Variants in ADAMTS17 observed in about 807,000 individuals in gnomAD.
ADAMTS17 encodes the protein ADAM metallopeptidase with thrombospondin type 1 motif 17.
Under a neutral mutation model 141.5 loss-of-function variants are expected in ADAMTS17, and 113 were observed. The ratio of observed to expected loss-of-function variants is 0.80; its 90% CI spans 0.69 to 0.93. The LOEUF (loss-of-function observed/expected upper bound fraction) is 0.93, where lower values mean the gene tolerates loss of function less well. Ranked by LOEUF, ADAMTS17 falls within the 40% of genes least tolerant of loss-of-function variation. ADAMTS17 has a pLI of 0.00. For synonymous variants in ADAMTS17, 768 were observed against 630.6 expected (o/e 1.22, Z -3.27); for missense variants, 1,659 against 1,517.9 (o/e 1.09, Z -1.54).
chr15:100,133,505 A>C (rs911575760), intron 10 of ADAMTS17, among the ~76,000 whole-genome samples, 190 bp from the exon 11 acceptor site: 1 of 152,172 alleles, frequency 6.6e-6, no homozygotes, highest in African/African-American at 2.4e-5. Flanking sequence ...TAGCTCAACA[A>C]AATTCTGTGC....
At chr15:99,976,964 C>A (rs927233732) in intron 20 of ADAMTS17, among the ~76,000 whole-genome samples, 1 of 152,194 alleles carries the variant, frequency 6.6e-6, no homozygotes, top group East Asian at 1.9e-4. Context: ...GGCTTGGTGG[C>A]CCCCAGGAAG....
chr15:100,085,610 A>T (rs567134514), intron 15 of ADAMTS17, among the ~76,000 whole-genome samples: 158 of 152,216 alleles, frequency 1.0e-3, no homozygotes, highest in Admixed American at 2.7e-3. Context: ...CGGGTTACCC[A>T]CAAAGGCAAG....
intron 7 of ADAMTS17, among the ~76,000 whole-genome samples, chr15:100,230,027 G>A (rs2141841207): frequency 6.6e-6 from 1 of 152,298 alleles, no homozygotes; most frequent in South Asian, 2.1e-4. Context: ...TGCCCCCACT[G>A]CCAACCACCC....
chr15:100,295,789 C>T (rs1407696614), intron 3 of ADAMTS17, among the ~76,000 whole-genome samples: 1 of 152,206 alleles, frequency 6.6e-6, no homozygotes, highest in Admixed American at 6.5e-5. Context: ...CCTGGCTAGA[C>T]ACAAGCTGAC....
intron 8 of ADAMTS17, among the ~76,000 whole-genome samples, chr15:100,166,570 C>T (rs2039960576): frequency 6.6e-6 from 1 of 152,182 alleles, no homozygotes; most frequent in Non-Finnish European, 1.5e-5. Context: ...TGTAAATAAT[C>T]ATTTGTAAAG....
intron 8 of ADAMTS17, among the ~76,000 whole-genome samples, chr15:100,174,757 C>G (rs903808029): frequency 2.6e-5 from 4 of 152,118 alleles, no homozygotes; most frequent in African/African-American, 9.7e-5. Context: ...AAGCAACGTT[C>G]ATGTTAGGAG....
At chr15:100,298,261 A>C (rs943788231) in intron 3 of ADAMTS17, among the ~76,000 whole-genome samples, 4 of 152,180 alleles carry the variant, frequency 2.6e-5, no homozygotes, top group African/African-American at 4.8e-5. Context: ...GGCCCACTGA[A>C]GACTGCCTCC....
At chr15:100,301,877 T>TAC (rs1434328577) in intron 3 of ADAMTS17, among the ~76,000 whole-genome samples, 1 of 152,238 alleles carries the variant, frequency 6.6e-6, no homozygotes, top group Non-Finnish European at 1.5e-5. Flanking sequence ...TAAAGCATCC[T>TAC]AATTTATGTT....
intron 12 of ADAMTS17, chr15:100,126,124 A>T (rs1335383755): frequency 6.6e-6 from 1 of 152,194 alleles, no homozygotes; most frequent in Non-Finnish European, 1.5e-5. Flanking sequence ...CACTACCATC[A>T]GGGCATCCTG....
intron 15 of ADAMTS17, among the ~76,000 whole-genome samples, chr15:100,067,946 G>A (rs1358405019): frequency 1.3e-5 from 2 of 152,200 alleles, no homozygotes. Context: ...AGCTGAAGCA[G>A]GGCGAGGCAT....
chr15:100,007,614 G>C (rs754361228), intron 18 of ADAMTS17, among the ~76,000 whole-genome samples: 10 of 152,226 alleles, frequency 6.6e-5, no homozygotes, highest in Non-Finnish European at 1.2e-4. Context: ...AGAGAAAGAA[G>C]GCAAGAAATG....
chr15:99,989,858 A>C (rs1596167700), intron 20 of ADAMTS17, among the ~76,000 whole-genome samples: 1 of 152,356 alleles, frequency 6.6e-6, no homozygotes, highest in South Asian at 2.1e-4. Flanking sequence ...AAATGGGTTT[A>C]GTTGTCCAAG....
At position 100,109,088 on chromosome 15, in the gene ADAMTS17, G is replaced by T; in HGVS notation, c.1917C>A (p.Pro639=). 1 of 1,613,610 alleles carries T rather than the reference G, an allele frequency of 6.2e-7. No individual in the cohort carries two copies. Among genetic ancestry groups the T allele is most frequent in the East Asian group, 2.2e-5 (1 of 44,858 alleles). Residue 639 remains proline (P), a synonymous_variant, in exon 14 of 22, where the codon CCC becomes CCA. Coordinates refer to ENST00000268070, the MANE Select transcript of ADAMTS17 (RefSeq NM_139057.4). ...DDKPCELYCS[P]LGKESPLLVA... is the part of the protein sequence containing the mutation. Reference sequence around the variant, plus strand: ...CCAGCAGTGGGGACTCCTTCCCGAGGGGCGAGCAGTAGAGTTCACATGGCT... The same window carrying T: ...CCAGCAGTGGGGACTCCTTCCCGAGTGGCGAGCAGTAGAGTTCACATGGCT...
chr15:100,285,611 C>T (rs1317818360), intron 3 of ADAMTS17, among the ~76,000 whole-genome samples: 1 of 152,184 alleles, frequency 6.6e-6, no homozygotes, highest in African/African-American at 2.4e-5. Context: ...CAAGGAAGAC[C>T]TGGGGAAGAG....
At chr15:100,159,536 C>T (rs1653511344) in intron 8 of ADAMTS17, among the ~76,000 whole-genome samples, 1 of 152,152 alleles carries the variant, frequency 6.6e-6, no homozygotes, top group South Asian at 2.1e-4. Flanking sequence ...TTTAAATGAG[C>T]AGGTCTTCTG....
intron 3 of ADAMTS17, among the ~76,000 whole-genome samples, chr15:100,319,415 A>C (rs1265272194): frequency 1.3e-5 from 2 of 152,194 alleles, no homozygotes; most frequent in Non-Finnish European, 2.9e-5. Flanking sequence ...GACACTCCTC[A>C]AGAAATTCAG....
intron 18 of ADAMTS17, among the ~76,000 whole-genome samples, chr15:100,004,410 C>G (rs971893005): frequency 1.3e-5 from 2 of 152,180 alleles, no homozygotes; most frequent in Non-Finnish European, 1.5e-5. Context: ...TTGAACGACA[C>G]TGTGCAACTC....
Position 100,077,966 on chromosome 15 carries a change from A to G in ADAMTS17, c.2137+18390T>C, listed in dbSNP as rs370274815. The stretch of plus-strand genomic sequence containing the variant: ...GCATTTCTATATGTTAGCAATGAAC[A>G]GTTGGAAAATGAAATTTAAAAACAA... On this transcript the variant is annotated intron_variant, in intron 15 of 21. Transcript: ENST00000268070. 3.3e-5 allele frequency among the ~76,000 whole-genome samples: 5 copies of G among 152,190 alleles called. No individual in the cohort carries two copies. The South Asian group carries it at 1.0e-3, about 32-fold the overall frequency.
At chr15:100,166,429 T>C (rs1229894497) in intron 8 of ADAMTS17, among the ~76,000 whole-genome samples, 1 of 152,200 alleles carries the variant, frequency 6.6e-6, no homozygotes, top group Admixed American at 6.5e-5. Context: ...ATATTAAATA[T>C]CAGTTACAAC....
Sources: allele counts gnomAD v4.1 joint callset (sites outside exome capture counted in the v4.1 genomes callset), GRCh38; gene constraint gnomAD v4.1.1; transcripts MANE v1.5; gene names NCBI Gene and HGNC (gene_info 2026-07-23, HGNC 2026-07-21).